The following ALMS1 variants were observed in gnomAD, a reference collection of about 807,000 sequenced individuals.
ALMS1 encodes ALMS1 centrosome and basal body associated protein, also known as centrosome-associated protein ALMS1.
Under a neutral mutation model 352.2 loss-of-function variants are expected in ALMS1, and 271 were observed. That is an observed-to-expected ratio of 0.77 (90% CI 0.70 to 0.85). ALMS1 has a LOEUF of 0.85. Ranked by LOEUF, ALMS1 falls within the 40% of genes least tolerant of loss-of-function variation. ALMS1 has a pLI of 0.00. For synonymous variants in ALMS1, 1,865 were observed against 1,761.2 expected (o/e 1.06, Z -1.48); for missense variants, 5,445 against 4,870.7 (o/e 1.12, Z -3.51).
In ALMS1 at chr2:73,419,232, TC is replaced by T. The variant is rs1671239582; in HGVS notation, c.564del (p.Ser189LeufsTer7). 1 of 1,614,014 alleles carries T rather than the reference TC, an allele frequency of 6.2e-7. No homozygotes were observed. The highest frequency in any genetic ancestry group is 8.5e-7 in the Non-Finnish European group (1 of 1,179,940). On this transcript the variant is annotated frameshift_variant, in exon 3 of 23. Transcript: ENST00000613296. LOFTEE classifies it high-confidence loss of function. ...VRTEDTEVTD[F>X]PSLEEGILTQ... ...ACGGAAGATACTGAAGTGACAGACT[TC>T]CCCTCTCTGGAGGAGGGCATATTGA...
At position 73,450,755 on chromosome 2, in the gene ALMS1, G is replaced by T. The variant is rs201517720; in HGVS notation, c.4228G>T (p.Ala1410Ser). ...AACTGAAGAGGCTAAGAACGTTTCA[G>T]CGGTTCCTGGACCAGGTGACCGGAA... The part of the protein sequence containing the change: ...HLTEEAKNVS[A>S]VPGPGDRKTG... The change falls in exon 8 of 23, where the codon GCG (alanine) becomes TCG (serine). Residue 1410 changes from alanine (A) to serine (S), a missense_variant. By Grantham distance (99) the Ala-to-Ser change is moderately conservative. Transcript: ENST00000613296. 23 of 1,612,480 alleles carry T rather than the reference G, an allele frequency of 1.4e-5. No homozygotes were observed. Among genetic ancestry groups the T allele is most frequent in the Non-Finnish European group, 1.9e-5 (23 of 1,179,498 alleles).
chr2:73,404,527 C>A (rs937835889), intron 1 of ALMS1, among the ~76,000 whole-genome samples: 1 of 150,912 alleles, frequency 6.6e-6, no homozygotes, highest in Non-Finnish European at 1.5e-5. Context: ...ATTTCGGTTT[C>A]ATTTGAGATG....
chr2:73,444,278 GT>G (rs1671767615), intron 7 of ALMS1, among the ~76,000 whole-genome samples: 1 of 152,138 alleles, frequency 6.6e-6, no homozygotes, highest in Admixed American at 6.5e-5. Flanking sequence ...ATTTCTTTGA[GT>G]AGGGGTGCAC....
intron 8 of ALMS1, chr2:73,454,317 C>G: frequency 1.0e-6 from 1 of 984,836 alleles, no homozygotes; most frequent in Non-Finnish European, 1.2e-6. Flanking sequence ...ATAGTACCAG[C>G]CTGAGTTTAC....
chr2:73,435,193 TTCTA>T (rs1317555036), intron 7 of ALMS1, among the ~76,000 whole-genome samples: 2 of 152,192 alleles, frequency 1.3e-5, no homozygotes, highest in African/African-American at 2.4e-5. Flanking sequence ...AATTTTAAAA[TTCTA>T]TCTGTTTTTG....
At chr2:73,570,530 C>T (rs900360339) in intron 15 of ALMS1, among the ~76,000 whole-genome samples, 4 of 152,082 alleles carry the variant, frequency 2.6e-5, no homozygotes, top group African/African-American at 9.7e-5. Flanking sequence ...AAATAGGTTC[C>T]TCTTTAGAAG....
intron 10 of ALMS1, among the ~76,000 whole-genome samples, chr2:73,511,937 A>G (rs990219461): frequency 6.6e-6 from 1 of 152,232 alleles, no homozygotes. Context: ...ACGTAAGTAT[A>G]TGTTTAATTT....
At position 73,534,820 on chromosome 2, in the gene ALMS1, T is replaced by C. The variant is rs1313825506; in HGVS notation, c.9782-4T>C. 1.9e-6 allele frequency: 3 copies of C among 1,613,244 alleles called. No homozygotes were observed. The Admixed American group carries it at 5.0e-5, about 27-fold the overall frequency. ...ATTAATTGTTCTGATTTTTACCTCC[T>C]TAGGCCAGCCTTTATTATTGCCATA... On this transcript the variant is annotated splice_region_variant and splice_polypyrimidine_tract_variant and intron_variant, in intron 11 of 22. Coordinates refer to ENST00000613296, the MANE Select transcript of ALMS1 (RefSeq NM_001378454.1).
chr2:73,440,043 C>G (rs1671684193), intron 7 of ALMS1, among the ~76,000 whole-genome samples: 2 of 151,368 alleles, frequency 1.3e-5, no homozygotes, highest in African/African-American at 4.9e-5. Flanking sequence ...TGCAGTGGTG[C>G]TATCTCGGCT....
chr2:73,465,653 T>G (rs1229340410), intron 9 of ALMS1, among the ~76,000 whole-genome samples: 11 of 151,898 alleles, frequency 7.2e-5, no homozygotes, highest in Non-Finnish European at 1.5e-4. Flanking sequence ...CTAATTAAAC[T>G]AAAGAGTTTC....
At position 73,594,703 on chromosome 2, in the gene ALMS1, C is replaced by A. The variant is rs966428641; in HGVS notation, c.11548-4698C>A. 2.0e-5 allele frequency among the ~76,000 whole-genome samples: 3 copies of A among 152,330 alleles called. No homozygotes were observed. In the South Asian group the frequency reaches 6.2e-4, roughly 32 times the overall value. On this transcript the variant is annotated intron_variant, in intron 16 of 22. Transcript: ENST00000613296. The stretch of plus-strand genomic sequence containing the variant: ...CCAATATCTCCTTGCATTGGAATAC[C>A]TGGCTCTGCTCCCAGAGCTGCTCTC...
chr2:73,547,199 T>C (rs150159694), intron 12 of ALMS1, among the ~76,000 whole-genome samples: 42 of 152,296 alleles, frequency 2.8e-4, no homozygotes, highest in African/African-American at 9.6e-4. Flanking sequence ...TTATGATGCT[T>C]GGTAGGTTAG....
At chr2:73,387,067 C>T (rs1314890511) in intron 1 of ALMS1, among the ~76,000 whole-genome samples, 1 of 152,212 alleles carries the variant, frequency 6.6e-6, no homozygotes, top group African/African-American at 2.4e-5. Context: ...AGCAGCCACA[C>T]TAGGCTAGTG....
rs1164499906 is a variant in ALMS1, at chr2:73,454,020, A to T, written c.7493A>T (p.Glu2498Val). 3.1e-6 allele frequency: 5 copies of T among 1,613,470 alleles called. No individual in the cohort carries two copies. In the Admixed American group the frequency reaches 8.3e-5, roughly 27 times the overall value. The change falls in exon 8 of 23, where the codon GAA (glutamate) becomes GTA (valine). Residue 2498 changes from glutamate (E) to valine (V), a missense_variant. Transcript: ENST00000613296. ...GAATCCTCACTGAATCATGCTAAAG[A>T]AATACTCAGAAATGCAGAGGAAGAG... ...QCESSLNHAK[E>V]ILRNAEEEES...
Position 73,602,263 on chromosome 2 carries a change from G to A in ALMS1, c.12193G>A (p.Glu4065Lys), listed in dbSNP as rs1675711858. Reference sequence around the variant, plus strand: ...AAAGCGCCTGAAGTTAATAGTCCAGGAGAGGAAGCTGCAGAGCATGTTACA... The same window carrying A: ...AAAGCGCCTGAAGTTAATAGTCCAGAAGAGGAAGCTGCAGAGCATGTTACA... ...RIKRLKLIVQ[E>K]RKLQSMLQTE... is the part of the protein sequence containing the mutation. The change falls in exon 20 of 23, where the codon GAG becomes AAG. Residue 4065 changes from glutamate to lysine, a missense_variant. Transcript: ENST00000613296. The A allele has an allele frequency of 1.9e-6, 3 of 1,614,206 alleles. No individual in the cohort carries two copies. The highest frequency in any genetic ancestry group is 2.2e-5 in the East Asian group (1 of 44,878).
At chr2:73,411,067 A>G (rs1221778613) in intron 2 of ALMS1, among the ~76,000 whole-genome samples, 1 of 152,022 alleles carries the variant, frequency 6.6e-6, no homozygotes, top group Non-Finnish European at 1.5e-5. Context: ...TTGCAGTCCT[A>G]ATCCCCAATA....
intron 10 of ALMS1, among the ~76,000 whole-genome samples, chr2:73,502,004 G>T (rs139663247): frequency 6.6e-6 from 1 of 151,988 alleles, no homozygotes. Context: ...ATATTCCTAA[G>T]TAGTTAATAT....
chr2:73,396,204 G>A (rs1434050835), intron 1 of ALMS1, among the ~76,000 whole-genome samples: 1 of 151,772 alleles, frequency 6.6e-6, no homozygotes, highest in African/African-American at 2.4e-5. Flanking sequence ...ATTAATCGAT[G>A]TATTACATTA....
chr2:73,601,436 GGTGCAGTGAC>G lies in ALMS1; in HGVS notation c.12114+3_12114+12del, dbSNP rs1348254028. 5 of 1,614,074 alleles carry G rather than the reference GGTGCAGTGAC, an allele frequency of 3.1e-6. No homozygotes were observed. The South Asian group carries it at 5.5e-5, about 18-fold the overall frequency. On this transcript the variant is annotated splice_donor_variant and splice_donor_5th_base_variant and intron_variant, in intron 19 of 22. Transcript: ENST00000613296. LOFTEE classifies it high-confidence loss of function. ...GGCCATTTGTGAGAGCAACCCTTCA[GGTGCAGTGAC>G]GTTGACTTAACTTTAATGCTACGTG...
Sources: allele counts gnomAD v4.1 joint callset (sites outside exome capture counted in the v4.1 genomes callset), GRCh38; gene constraint gnomAD v4.1.1; transcripts MANE v1.5; gene names NCBI Gene and HGNC (gene_info 2026-07-23, HGNC 2026-07-21).